The following MAN1C1 variants were observed in gnomAD, a reference collection of about 807,000 sequenced individuals.
MAN1C1 encodes the protein mannosyl-oligosaccharide 1,2-alpha-mannosidase IC.
MAN1C1 carries 49 observed loss-of-function variants against 71.5 expected under a neutral mutation model. The ratio of observed to expected loss-of-function variants is 0.69; its 90% confidence interval spans 0.54 to 0.87. The LOEUF (loss-of-function observed/expected upper bound fraction) is 0.87. Among genes scored for constraint, MAN1C1 ranks in the 40% least tolerant of loss-of-function variants. The pLI, the probability that MAN1C1 is intolerant of heterozygous loss-of-function variation, is 0.00. For missense variants in MAN1C1, 743 were observed against 835.0 expected, an observed-to-expected ratio of 0.89 and a Z score of 1.36; for synonymous variants, 352 against 343.7, an observed-to-expected ratio of 1.02 and a Z score of -0.27.
chr1:25,644,963 G>A (rs1361504577), intron 1 of MAN1C1: 1 of 152,222 alleles, frequency 6.6e-6, no homozygotes, highest in Non-Finnish European at 1.5e-5. Flanking sequence ...ACAACCAGAG[G>A]TTGGGGGAGA....
At chr1:25,624,531 G>C (rs1267413015) in intron 1 of MAN1C1, among the ~76,000 whole-genome samples, 1 of 152,186 alleles carries the variant, frequency 6.6e-6, no homozygotes, top group African/African-American at 2.4e-5. Flanking sequence ...TTAATTAAAG[G>C]CTACAACCAG....
At chr1:25,635,595 A>G (rs545030361) in intron 1 of MAN1C1, among the ~76,000 whole-genome samples, 167 of 152,090 alleles carry the variant, frequency 1.1e-3, no homozygotes, top group African/African-American at 3.8e-3. Context: ...GATTACAGGC[A>G]TGTGCCACCA....
At chr1:25,637,429 A>G (rs1363128770) in intron 1 of MAN1C1, among the ~76,000 whole-genome samples, 1 of 152,160 alleles carries the variant, frequency 6.6e-6, no homozygotes, top group Non-Finnish European at 1.5e-5. Flanking sequence ...AACATACTCT[A>G]ATTTGAAGCC....
Position 25,758,593 on chromosome 1 carries a change from G to T in MAN1C1, c.931G>T (p.Gly311Trp). The change falls in exon 6 of 12, where the codon GGG (glycine) becomes TGG (tryptophan). Residue 311 changes from glycine (G) to tryptophan (W), a missense_variant and splice_region_variant. Coordinates refer to ENST00000374332, the MANE Select transcript of MAN1C1 (RefSeq NM_020379.4). ...CGGGGGCTGCTTCTGTCTTTTCAGT[G>T]GGAACTGGGGCTGGGCCACAGCCGG... ...IPKGVVSFKS[G>W]NWGWATAGSS... 6.2e-7 allele frequency: 1 copy of T among 1,614,078 alleles called. No individual in the cohort carries two copies. The highest frequency in any genetic ancestry group is 8.5e-7 in the Non-Finnish European group (1 of 1,179,960).
chr1:25,737,264 A>G (rs544411036), intron 2 of MAN1C1, among the ~76,000 whole-genome samples: 90 of 152,376 alleles, frequency 5.9e-4, no homozygotes, highest in Non-Finnish European at 2.2e-4. Context: ...CACTTGTCAC[A>G]GGGAACCTTC....
intron 7 of MAN1C1, among the ~76,000 whole-genome samples, chr1:25,765,453 C>T (rs2047415432): frequency 6.6e-6 from 1 of 152,212 alleles, no homozygotes; most frequent in African/African-American, 2.4e-5. Context: ...CCTTCCCTTT[C>T]CCCTGCCTCC....
chr1:25,689,141 C>A (rs541766956), intron 2 of MAN1C1, among the ~76,000 whole-genome samples: 114 of 152,256 alleles, frequency 7.5e-4, no homozygotes, highest in African/African-American at 2.3e-3. Context: ...GTGCTGACTG[C>A]TGGGGATACA....
At chr1:25,708,705 A>T (rs1157320009) in intron 2 of MAN1C1, among the ~76,000 whole-genome samples, 1 of 152,112 alleles carries the variant, frequency 6.6e-6, no homozygotes, top group Non-Finnish European at 1.5e-5. Context: ...GGCAACGTGG[A>T]GAAATCCTGT....
intron 1 of MAN1C1, among the ~76,000 whole-genome samples, chr1:25,680,167 A>C (rs2046131675): frequency 6.6e-6 from 1 of 151,838 alleles, no homozygotes; most frequent in Non-Finnish European, 1.5e-5. Context: ...GGTTCAAGAA[A>C]TTCTCCTGCC....
chr1:25,661,693 C>G (rs753202665), intron 1 of MAN1C1, among the ~76,000 whole-genome samples: 2 of 152,106 alleles, frequency 1.3e-5, no homozygotes, highest in African/African-American at 4.8e-5. Context: ...TATTAGAGTT[C>G]GTGAAAATGG....
chr1:25,657,627 G>T (rs1381990906), intron 1 of MAN1C1, among the ~76,000 whole-genome samples: 1 of 152,192 alleles, frequency 6.6e-6, no homozygotes, highest in Non-Finnish European at 1.5e-5. Flanking sequence ...TTCTATTTAT[G>T]TCCCATTTGG....
chr1:25,755,455 A>C (rs1572197635), intron 5 of MAN1C1, among the ~76,000 whole-genome samples: 1 of 152,252 alleles, frequency 6.6e-6, no homozygotes, highest in Non-Finnish European at 1.5e-5. Context: ...ATACATGGGC[A>C]CACACATTCA....
At position 25,753,453 on chromosome 1, in the gene MAN1C1, G is replaced by T; in HGVS notation, c.835-31G>T. ...TTGACCTTCCCTCACCCAGCCTGGAGTCAAAAGCCCTTTGATCCCCTCCTT... is the reference window on the plus strand; with the variant it reads ...TTGACCTTCCCTCACCCAGCCTGGATTCAAAAGCCCTTTGATCCCCTCCTT... On this transcript the variant is annotated intron_variant, in intron 4 of 11. Coordinates refer to ENST00000374332, the MANE Select transcript of MAN1C1 (RefSeq NM_020379.4). The surrounding 1 kb of genome is among the most constrained non-coding windows in gnomAD (Gnocchi z 4.9). The T allele has an allele frequency of 6.4e-7, 1 of 1,573,380 alleles. No individual in the cohort carries two copies. The highest frequency in any genetic ancestry group is 1.4e-5 in the African/African-American group (1 of 73,808).
chr1:25,682,098 C>A (rs1226877655), intron 1 of MAN1C1, among the ~76,000 whole-genome samples: 1 of 152,162 alleles, frequency 6.6e-6, no homozygotes, highest in Non-Finnish European at 1.5e-5. Flanking sequence ...TTCTTATTTG[C>A]TGATGAATGA....
chr1:25,758,314 C>T (rs768637152), intron 5 of MAN1C1, among the ~76,000 whole-genome samples: 44 of 152,168 alleles, frequency 2.9e-4, no homozygotes, highest in Non-Finnish European at 5.3e-4. Context: ...TACCAGGTCT[C>T]GAGCTCCCAA....
In MAN1C1 at chr1:25,735,961, T is replaced by A. The variant is rs2046977884; in HGVS notation, c.638-10707T>A. On this transcript the variant is annotated intron_variant, in intron 2 of 11. Transcript: ENST00000374332. The surrounding 1 kb of genome is among the most constrained non-coding windows in gnomAD (Gnocchi z 4.6). ...AAGCACAAGGTTAATGGGATAGGGA[T>A]ATTTACTCCTCCCAAGGAGGGAGAG... Among the ~76,000 whole-genome samples, 1 of 152,180 alleles carries A rather than the reference T, an allele frequency of 6.6e-6. No homozygotes were observed. The highest frequency in any genetic ancestry group is 1.5e-5 in the Non-Finnish European group (1 of 68,024).
chr1:25,653,690 T>C (rs2045724023), intron 1 of MAN1C1, among the ~76,000 whole-genome samples: 1 of 152,186 alleles, frequency 6.6e-6, no homozygotes, highest in Non-Finnish European at 1.5e-5. Flanking sequence ...TGGTTTGGCC[T>C]TGGCTCCCCA....
chr1:25,776,483 G>A lies in MAN1C1; in HGVS notation c.1258-1622G>A, dbSNP rs2047620970. Among the ~76,000 whole-genome samples, 1 of 152,180 alleles carries A rather than the reference G, an allele frequency of 6.6e-6. No individual in the cohort carries two copies. Among genetic ancestry groups the A allele is most frequent in the African/African-American group, 2.4e-5 (1 of 41,446 alleles). The stretch of plus-strand genomic sequence containing the variant: ...CACGAGAATGGTTTAAACTTGGGAG[G>A]CGGAGGTTGCAGTGAGCCAAGATCA... On this transcript the variant is annotated intron_variant, in intron 8 of 11. Transcript: ENST00000374332. The surrounding 1 kb of genome is among the most constrained non-coding windows in gnomAD (Gnocchi z 4.3).
intron 1 of MAN1C1, among the ~76,000 whole-genome samples, chr1:25,662,687 T>C (rs1027351526): frequency 6.6e-6 from 1 of 152,160 alleles, no homozygotes; most frequent in Non-Finnish European, 1.5e-5. Flanking sequence ...ATCCTAGCAC[T>C]TTGGGAGGCT....
Sources: gnomAD v4.1 joint callset for allele counts (sites outside exome capture counted in the v4.1 genomes callset) on GRCh38, gnomAD v4.1.1 for gene constraint, Gnocchi (gnomAD v3.1) non-coding constraint, MANE v1.5 for transcripts, NCBI Gene and HGNC (gene_info 2026-07-23, HGNC 2026-07-21) for gene names.